DEPDC1B: variants seen among roughly 807,000 people sequenced by gnomAD.
DEPDC1B encodes the protein DEP domain containing 1B.
A neutral mutation model predicts 66.5 loss-of-function variants in DEPDC1B; 51 were observed. That is an observed-to-expected ratio of 0.77 (90% CI 0.61 to 0.97). The LOEUF (loss-of-function observed/expected upper bound fraction) is 0.97. DEPDC1B is among the 50% of genes least tolerant of loss of function. DEPDC1B has a pLI of 0.00. For synonymous variants in DEPDC1B, 226 were observed against 223.6 expected (o/e 1.01, Z -0.10); for missense variants, 552 against 637.1 (o/e 0.87, Z 1.44).
intron 7 of DEPDC1B, among the ~76,000 whole-genome samples, chr5:60,610,145 T>C (rs1440211760): frequency 6.6e-6 from 1 of 152,176 alleles, no homozygotes; most frequent in Non-Finnish European, 1.5e-5. Context: ...ATGAATGATA[T>C]GAATGAATGA....
At chr5:60,636,244 T>G (rs1486128816) in intron 7 of DEPDC1B, among the ~76,000 whole-genome samples, 2 of 152,234 alleles carry the variant, frequency 1.3e-5, no homozygotes, top group African/African-American at 2.4e-5. Flanking sequence ...TTAAATAATT[T>G]TTTTAATATA....
At chr5:60,680,565 C>T (rs1161937693) in intron 2 of DEPDC1B, among the ~76,000 whole-genome samples, 1 of 152,098 alleles carries the variant, frequency 6.6e-6, no homozygotes, top group Non-Finnish European at 1.5e-5. Context: ...TGCAAATTCC[C>T]TCTCTTCAAA....
intron 2 of DEPDC1B, among the ~76,000 whole-genome samples, chr5:60,677,326 ACTCTCTCTCTCTCTCTCT>A (rs70975391): frequency 9.2e-6 from 1 of 108,526 alleles, no homozygotes; most frequent in Non-Finnish European, 1.8e-5. Flanking sequence ...ACACACACAC[ACTCTCTCTCTCTCTCTCT>A]CTCTCTCTCT....
At chr5:60,639,029 A>G (rs1753126419) in intron 6 of DEPDC1B, 139 bp from the exon 7 acceptor site, 1 of 861,888 alleles carries the variant, frequency 1.2e-6, no homozygotes, top group African/African-American at 1.8e-5. Flanking sequence ...GAAAATTGAC[A>G]TTAATTAAAT....
chr5:60,645,690 A>T, intron 3 of DEPDC1B, 71 bp from the exon 4 acceptor site: 1 of 1,463,094 alleles, frequency 6.8e-7, no homozygotes, highest in South Asian at 1.4e-5. Flanking sequence ...ATATTTCAAT[A>T]TAAGGTGGTG....
At chr5:60,598,436 G>A (rs531053869) in intron 10 of DEPDC1B, among the ~76,000 whole-genome samples, 1 of 152,190 alleles carries the variant, frequency 6.6e-6, no homozygotes, top group South Asian at 2.1e-4. Context: ...GGTGCTCTGT[G>A]TGTAATCCCA....
In DEPDC1B at chr5:60,647,518, TGAA is replaced by T; in HGVS notation, c.327_329del (p.Ser110del). On this transcript the variant is annotated inframe_deletion, in exon 3 of 11. Transcript: ENST00000265036. Reference sequence around the variant, plus strand: ...GCTTCTTTGGATATGGTTTCAGGGGTGAAGAAGGAGGAAATCTAAAACCCAAGA... The same window carrying T: ...GCTTCTTTGGATATGGTTTCAGGGGTGAAGGAGGAAATCTAAAACCCAAGA... The T allele has an allele frequency of 1.2e-6, 2 of 1,610,828 alleles. No homozygotes were observed. The highest frequency in any genetic ancestry group is 1.7e-6 in the Non-Finnish European group (2 of 1,179,152).
At chr5:60,689,839 C>T (rs1194087009) in intron 1 of DEPDC1B, among the ~76,000 whole-genome samples, 4 of 152,032 alleles carry the variant, frequency 2.6e-5, no homozygotes, top group Admixed American at 1.3e-4. Flanking sequence ...CCAAGGAGTT[C>T]GAGACCAGCC....
At chr5:60,641,252 A>T (rs1478873176) in intron 6 of DEPDC1B, among the ~76,000 whole-genome samples, 1 of 152,174 alleles carries the variant, frequency 6.6e-6, no homozygotes, top group East Asian at 1.9e-4. Flanking sequence ...ATCATTGAAA[A>T]TTCAACATCA....
At chr5:60,620,798 A>C (rs1248425107) in intron 7 of DEPDC1B, among the ~76,000 whole-genome samples, 2 of 152,132 alleles carry the variant, frequency 1.3e-5, no homozygotes, top group East Asian at 3.8e-4. Context: ...GGGTATATAC[A>C]CAAAGGATTA....
intron 2 of DEPDC1B, among the ~76,000 whole-genome samples, chr5:60,684,650 CAG>C (rs1754372351): frequency 6.6e-6 from 1 of 152,100 alleles, no homozygotes; most frequent in Admixed American, 6.6e-5. Flanking sequence ...TAGAAGAAAA[CAG>C]GGGAAATGTT....
chr5:60,614,178 G>A (rs1752484295), intron 7 of DEPDC1B, among the ~76,000 whole-genome samples: 1 of 152,182 alleles, frequency 6.6e-6, no homozygotes, highest in Admixed American at 6.5e-5. Flanking sequence ...TCTAAAAGCA[G>A]CACCATGCGT....
At chr5:60,686,880 C>A in intron 2 of DEPDC1B, 82 bp downstream of exon 2, 1 of 1,531,858 alleles carries the variant, frequency 6.5e-7, no homozygotes, top group Non-Finnish European at 8.9e-7. Flanking sequence ...AATTCTTACA[C>A]ATCAGGAAGC....
chr5:60,656,159 A>ATTTTT (rs59421459), intron 2 of DEPDC1B, among the ~76,000 whole-genome samples: 2 of 125,928 alleles, frequency 1.6e-5, no homozygotes, highest in Non-Finnish European at 3.3e-5. Context: ...GTTTAAGTCC[A>ATTTTT]TTTTTTTTTT....
intron 1 of DEPDC1B, 60 bp from the exon 2 acceptor site, chr5:60,687,287 T>A: frequency 1.3e-6 from 2 of 1,532,810 alleles, no homozygotes; most frequent in Admixed American, 2.0e-5. Context: ...GATTACTACA[T>A]CTCAAATAAT....
chr5:60,621,332 G>A (rs1002031056), intron 7 of DEPDC1B, among the ~76,000 whole-genome samples: 5 of 150,610 alleles, frequency 3.3e-5, no homozygotes, highest in African/African-American at 1.2e-4. Flanking sequence ...AATAAAATGT[G>A]GCACATATAC....
chr5:60,645,515 T>C lies in DEPDC1B; in HGVS notation c.555A>G (p.Ile185Met), dbSNP rs1300865531. 6.2e-7 allele frequency: 1 copy of C among 1,611,408 alleles called. No individual in the cohort carries two copies. Among genetic ancestry groups the C allele is most frequent in the African/African-American group, 1.3e-5 (1 of 74,820 alleles). Residue 185 changes from isoleucine to methionine, a missense_variant, in exon 4 of 11, where the codon ATA becomes ATG. By Grantham distance (10) the Ile-to-Met change is conservative (BLOSUM62 1). Coordinates refer to ENST00000265036, the MANE Select transcript of DEPDC1B (RefSeq NM_018369.3). ...ACTATGATAATGTCATAGACTTCCATATCTCTTCTACATTGGCCTCTGTCA... is the reference window on the plus strand; with the variant it reads ...ACTATGATAATGTCATAGACTTCCACATCTCTTCTACATTGGCCTCTGTCA... ...RQLTEANVEEIWKSMTLSYLQ... is the reference protein window; with the variant it reads ...RQLTEANVEEMWKSMTLSYLQ...
chr5:60,603,763 A>G (rs925488226), intron 8 of DEPDC1B, among the ~76,000 whole-genome samples, 196 bp from the exon 9 acceptor site: 2 of 151,926 alleles, frequency 1.3e-5, no homozygotes, highest in African/African-American at 2.4e-5. Flanking sequence ...TCCTGTTAAG[A>G]GACTGCAGAG....
chr5:60,651,411 C>T lies in DEPDC1B; in HGVS notation c.315-3878G>A, dbSNP rs530089409. Among the ~76,000 whole-genome samples the T allele has an allele frequency of 1.2e-4, 18 of 151,894 alleles. No homozygotes were observed. In the South Asian group the frequency reaches 3.5e-3, roughly 30 times the overall value. ...TGCATGGTGGCGTGTGCCTGTAATT[C>T]CAGCTACTCGGAAGGCAAAGACAGG... is the stretch of plus-strand genomic sequence containing the variant. On this transcript the variant is annotated intron_variant, in intron 2 of 10. Coordinates refer to ENST00000265036, the MANE Select transcript of DEPDC1B (RefSeq NM_018369.3).
Sources: allele counts gnomAD v4.1 joint callset (sites outside exome capture counted in the v4.1 genomes callset), GRCh38; gene constraint gnomAD v4.1.1; transcripts MANE v1.5; gene names NCBI Gene and HGNC (gene_info 2026-07-23, HGNC 2026-07-21).